Variants in PUM1 observed in about 807,000 individuals in gnomAD.
PUM1 encodes pumilio homolog 1.
PUM1 carries 13 observed loss-of-function variants against 131.8 expected under a neutral mutation model. The observed-to-expected ratio is 0.10, with a 90% CI of 0.06 to 0.16. PUM1 has a LOEUF of 0.16. Ranked by LOEUF, PUM1 falls within the 10% of genes least tolerant of loss-of-function variation. PUM1 has a pLI of 1.00. For synonymous variants in PUM1, 509 were observed against 556.5 expected (o/e 0.91, Z 1.20); for missense variants, 961 against 1,512.4 (o/e 0.64, Z 6.05).
At chr1:30,971,196 A>C (rs759853480) in intron 10 of PUM1, among the ~76,000 whole-genome samples, 1 of 152,230 alleles carries the variant, frequency 6.6e-6, no homozygotes, top group Non-Finnish European at 1.5e-5. Context: ...AGTCAGCTTG[A>C]CTAGAACGCA....
chr1:31,049,643 T>A (rs866113945), intron 2 of PUM1, among the ~76,000 whole-genome samples: 2 of 151,810 alleles, frequency 1.3e-5, no homozygotes, highest in Non-Finnish European at 2.9e-5. Context: ...TCCTGCCACT[T>A]CTCTCCAGCC....
intron 10 of PUM1, among the ~76,000 whole-genome samples, chr1:30,972,049 G>C (rs1260010648): frequency 6.6e-6 from 1 of 151,540 alleles, no homozygotes; most frequent in South Asian, 2.1e-4. Context: ...GAGGTCAGGA[G>C]TTCGAGATCA....
intron 9 of PUM1, 89 bp downstream of exon 9, chr1:30,979,973 G>T: frequency 1.1e-6 from 1 of 876,214 alleles, no homozygotes; most frequent in Non-Finnish European, 1.7e-6. Flanking sequence ...CTGGAGACAT[G>T]GATTTGGGAA....
intron 14 of PUM1, among the ~76,000 whole-genome samples, 198 bp from the exon 15 acceptor site, chr1:30,954,179 G>A (rs985838348): frequency 5.9e-5 from 9 of 152,204 alleles, no homozygotes; most frequent in African/African-American, 2.2e-4. Context: ...TTTGCACAAA[G>A]ATTGAGAAGG....
intron 17 of PUM1, among the ~76,000 whole-genome samples, chr1:30,947,846 TTAAC>T (rs1444250872): frequency 6.6e-6 from 1 of 152,078 alleles, no homozygotes; most frequent in Non-Finnish European, 1.5e-5. Flanking sequence ...GACACAGTGA[TTAAC>T]CAAGTGTCAG....
intron 2 of PUM1, among the ~76,000 whole-genome samples, chr1:31,051,698 G>GT (rs1360075330): frequency 1.3e-5 from 2 of 151,998 alleles, no homozygotes; most frequent in Non-Finnish European, 2.9e-5. Flanking sequence ...AGTGCTAAAA[G>GT]AGTGCAAGCA....
chr1:30,990,465 G>T (rs1009586155), intron 7 of PUM1, among the ~76,000 whole-genome samples: 1 of 152,124 alleles, frequency 6.6e-6, no homozygotes, highest in African/African-American at 2.4e-5. Flanking sequence ...ACGTAAATTA[G>T]AAATGAAAAG....
rs753401996 is a variant in PUM1 at position 30,933,329 on chromosome 1, A to G, written c.3449T>C (p.Ile1150Thr). 6.2e-7 allele frequency: 1 copy of G among 1,613,822 alleles called. No homozygotes were observed. Among genetic ancestry groups the G allele is most frequent in the Admixed American group, 1.7e-5 (1 of 59,998 alleles). The change falls in exon 22 of 22, where the codon ATC becomes ACC. Residue 1150 changes from isoleucine to threonine, a missense_variant. Physicochemically the swap from Ile to Thr is moderately conservative, Grantham distance 89 (BLOSUM62 -1). Around this residue, in one of 4 missense-constraint regions of PUM1, gnomAD observed 178 missense variants for 327.5 expected, o/e 0.54. Coordinates refer to ENST00000426105, the MANE Select transcript of PUM1 (RefSeq NM_001020658.2). ...ATAGGTGTACTTACGAAGAGTTGCG[A>G]TGTGGGGCCGGATCTGGGGAGGAAA... is the stretch of plus-strand genomic sequence containing the variant. ...KIVMHKIRPHIATLRKYTYGK... is the reference protein window; with the variant it reads ...KIVMHKIRPHTATLRKYTYGK...
Position 30,967,309 on chromosome 1 carries a change from A to C in PUM1, c.1647T>G (p.Gly549=). Residue 549 remains glycine (G), a splice_region_variant and synonymous_variant, in exon 12 of 22, where the codon GGT becomes GGG. Coordinates refer to ENST00000426105, the MANE Select transcript of PUM1 (RefSeq NM_001020658.2). The part of the protein sequence containing the change: ...FGQGLAAGMP[G]YPVLAPAAYY... ...AAGCAGCAGGAGCCAACACCGGATAACCTAGGAATATCAAGCCAACAAAGA... is the reference window on the plus strand; with the variant it reads ...AAGCAGCAGGAGCCAACACCGGATACCCTAGGAATATCAAGCCAACAAAGA... The C allele has an allele frequency of 6.2e-7, 1 of 1,612,474 alleles. No individual in the cohort carries two copies. Among genetic ancestry groups the C allele is most frequent in the Non-Finnish European group, 8.5e-7 (1 of 1,178,620 alleles).
intron 3 of PUM1, among the ~76,000 whole-genome samples, chr1:31,025,315 T>C (rs1643180737): frequency 6.6e-6 from 1 of 152,184 alleles, no homozygotes; most frequent in Non-Finnish European, 1.5e-5. Context: ...TTTCAACTAC[T>C]AGAAATCAAT....
intron 2 of PUM1, among the ~76,000 whole-genome samples, chr1:31,036,195 G>A (rs1451747189): frequency 2.0e-5 from 3 of 151,706 alleles, no homozygotes; most frequent in South Asian, 4.2e-4. Flanking sequence ...TCAGCCTCCC[G>A]AGTAGCTGGG....
chr1:30,955,772 G>A (rs1640138744), intron 14 of PUM1, among the ~76,000 whole-genome samples: 1 of 152,118 alleles, frequency 6.6e-6, no homozygotes, highest in Admixed American at 6.5e-5. Context: ...ACCCAGGCTG[G>A]ACTTCACAGA....
Position 31,006,042 on chromosome 1 carries a change from G to A in PUM1, c.542-11C>T, listed in dbSNP as rs756209038. 5.7e-5 allele frequency: 91 copies of A among 1,594,482 alleles called. No individual in the cohort carries two copies. The highest frequency in any genetic ancestry group is 7.8e-5 in the Non-Finnish European group (91 of 1,170,628). On this transcript the variant is annotated splice_polypyrimidine_tract_variant and intron_variant, in intron 4 of 21. Coordinates refer to ENST00000426105, the MANE Select transcript of PUM1 (RefSeq NM_001020658.2). ...GGGAAACTGAATGATCTACAAAAAA[G>A]ATACACAAGCATGATACAGTGCAGC...
intron 2 of PUM1, among the ~76,000 whole-genome samples, chr1:31,049,240 G>C (rs960989782): frequency 4.0e-5 from 6 of 151,762 alleles, no homozygotes; most frequent in African/African-American, 1.5e-4. Context: ...AATTGGCTGG[G>C]GGCGGTGGCT....
At chr1:31,042,708 A>G (rs1396495120) in intron 2 of PUM1, among the ~76,000 whole-genome samples, 1 of 152,252 alleles carries the variant, frequency 6.6e-6, no homozygotes, top group Non-Finnish European at 1.5e-5. Flanking sequence ...AACACTTTGC[A>G]GTACTTTCTT....
At chr1:31,050,647 C>T (rs929273909) in intron 2 of PUM1, among the ~76,000 whole-genome samples, 9 of 152,164 alleles carry the variant, frequency 5.9e-5, no homozygotes, top group African/African-American at 1.9e-4. Flanking sequence ...CCAAATGCTA[C>T]TAGCACAAAT....
chr1:30,987,292 G>C (rs1054343787), intron 7 of PUM1, among the ~76,000 whole-genome samples: 6 of 151,760 alleles, frequency 4.0e-5, no homozygotes, highest in Non-Finnish European at 7.4e-5. Flanking sequence ...CGCCTCCTGG[G>C]TTCAGGTGAT....
intron 2 of PUM1, among the ~76,000 whole-genome samples, chr1:31,056,609 C>CTTTTCTTTTTTTTTTT (rs1644245029): frequency 3.2e-4 from 14 of 43,690 alleles, no homozygotes; most frequent in Admixed American, 1.2e-3. Context: ...CTTTTCTTTT[C>CTTTTCTTTTTTTTTTT]TTTTTTTTTT....
At chr1:30,950,089 C>CT in intron 17 of PUM1, 38 bp downstream of exon 17, 1 of 1,596,818 alleles carries the variant, frequency 6.3e-7, no homozygotes, top group Non-Finnish European at 8.5e-7. Context: ...CATGGAGAAA[C>CT]ATCAAACACC....
Sources: allele counts gnomAD v4.1 joint callset (sites outside exome capture counted in the v4.1 genomes callset), GRCh38; gene constraint gnomAD v4.1.1; regional missense constraint gnomAD v4.1.1; transcripts MANE v1.5; gene names NCBI Gene and HGNC (gene_info 2026-07-23, HGNC 2026-07-21).